Variants in SZT2 observed in about 807,000 individuals in gnomAD.
SZT2 encodes SZT2 subunit of KICSTOR complex.
SZT2 carries 216 observed loss-of-function variants against 404.2 expected under a neutral mutation model. That is an observed-to-expected ratio of 0.53 (90% CI 0.48 to 0.60). The LOEUF is 0.60. SZT2 is among the 20% of genes least tolerant of loss of function. SZT2 has a pLI of 0.00. For synonymous variants in SZT2, 1,693 were observed against 1,749.9 expected (o/e 0.97, Z 0.81); for missense variants, 3,857 against 4,459.2 (o/e 0.86, Z 3.85).
intron 4 of SZT2, 81 bp from the exon 5 acceptor site, chr1:43,415,001 A>G (rs1397455648): frequency 2.0e-6 from 3 of 1,517,834 alleles, no homozygotes; most frequent in Admixed American, 3.8e-5. Context: ...AGATGGAGCT[A>G]TGGAGAATAA....
In SZT2 at chr1:43,437,502, A is replaced by T. The variant is rs947784174; in HGVS notation, c.6284A>T (p.Tyr2095Phe). The change falls in exon 44 of 72, where the codon TAT (tyrosine) becomes TTT (phenylalanine). Residue 2095 changes from tyrosine (Y) to phenylalanine (F), a missense_variant. Transcript: ENST00000634258. This position sits in a 1 kb window ranked among gnomAD's most constrained non-coding sequence, Gnocchi z 5.3. The stretch of plus-strand genomic sequence containing the variant: ...GAGCGAGCAACAAAGGCTGTGTACT[A>T]TCTTCGGTATGTGGCCCTTGGAAGG... ...YQERATKAVY[Y>F]LRLLETSCSD... 2 of 1,614,010 alleles carry T rather than the reference A, an allele frequency of 1.2e-6. No individual in the cohort carries two copies. Among genetic ancestry groups the T allele is most frequent in the Non-Finnish European group, 1.7e-6 (2 of 1,180,032 alleles).
chr1:43,418,188 A>G (rs1427223787), intron 7 of SZT2, among the ~76,000 whole-genome samples: 1 of 152,194 alleles, frequency 6.6e-6, no homozygotes, highest in Non-Finnish European at 1.5e-5. Context: ...CTGTTGAGAT[A>G]AACAGCAGAG....
chr1:43,425,528 A>G lies in SZT2; in HGVS notation c.2700A>G (p.Ser900=). The change falls in exon 19 of 72, where the codon TCA becomes TCG. Residue 900 remains serine (S), a synonymous_variant. Coordinates refer to ENST00000634258, the MANE Select transcript of SZT2 (RefSeq NM_001365999.1). The surrounding 1 kb of genome is among the most constrained non-coding windows in gnomAD (Gnocchi z 4.3). ...DVEVEALEGD[S]ELNLVTEVWV... ...AAGTGGAGGCCCTGGAGGGAGACTCAGAGCTCAATCTGGTCACTGAGGTGT... is the reference window on the plus strand; with the variant it reads ...AAGTGGAGGCCCTGGAGGGAGACTCGGAGCTCAATCTGGTCACTGAGGTGT... 1 of 1,614,198 alleles carries G rather than the reference A, an allele frequency of 6.2e-7. No homozygotes were observed. The highest frequency in any genetic ancestry group is 8.5e-7 in the Non-Finnish European group (1 of 1,180,028).
Position 43,430,391 on chromosome 1 carries a change from T to C in SZT2, c.4480+2T>C, listed in dbSNP as rs1228874807. 6.2e-7 allele frequency: 1 copy of C among 1,607,676 alleles called. No homozygotes were observed. Among genetic ancestry groups the C allele is most frequent in the African/African-American group, 1.3e-5 (1 of 74,600 alleles). On this transcript the variant is annotated splice_donor_variant, in intron 31 of 71. Transcript: ENST00000634258. LOFTEE classifies it high-confidence loss of function. ...AGGCTGAGCTTATGGGAGAAGAAGG[T>C]ATGTGGGCAAGTGAGTCAAGGTGGG...
chr1:43,439,032 A>G lies in SZT2; in HGVS notation c.6731A>G (p.Asn2244Ser). 1.2e-6 allele frequency: 2 copies of G among 1,614,198 alleles called. No individual in the cohort carries two copies. The highest frequency in any genetic ancestry group is 1.7e-6 in the Non-Finnish European group (2 of 1,180,030). ...GCCCTGGCATGGTACCTACGGCAGAACTTGCTCATCTTCCTGCACTCTCCC... is the reference window on the plus strand; with the variant it reads ...GCCCTGGCATGGTACCTACGGCAGAGCTTGCTCATCTTCCTGCACTCTCCC... ...LPALAWYLRQ[N>S]LLIFLHSPKY... The change falls in exon 48 of 72, where the codon AAC (asparagine) becomes AGC (serine). Residue 2244 changes from asparagine to serine, a missense_variant. Asn to Ser is a conservative substitution (Grantham distance 46, BLOSUM62 1). Transcript: ENST00000634258. The surrounding 1 kb of genome is among the most constrained non-coding windows in gnomAD (Gnocchi z 4.2).
Position 43,453,102 on chromosome 1 carries a change from C to G in SZT2, c.*2622C>G. On this transcript the variant is annotated 3_prime_UTR_variant, in exon 72 of 72. Transcript: ENST00000634258. Reference sequence around the variant, plus strand: ...GCTCCCACAGCTTCCTGGAATAGGCCTGTCCTCAAATGCATCACTGTATAT... The same window carrying G: ...GCTCCCACAGCTTCCTGGAATAGGCGTGTCCTCAAATGCATCACTGTATAT... 2 of 775,606 alleles carry G rather than the reference C, an allele frequency of 2.6e-6. No homozygotes were observed. Among genetic ancestry groups the G allele is most frequent in the Non-Finnish European group, 4.5e-6 (2 of 442,286 alleles). The allele number at this position is 775,606 out of a possible 1,614,324, so 48.0% of individuals were successfully genotyped here. A position where few individuals can be genotyped will look rare whatever the true frequency, so the allele number is the denominator to read the frequency against.
Position 43,424,061 on chromosome 1 carries a change from G to A in SZT2, c.2256-156G>A, listed in dbSNP as rs1399971386. ...GGCGTGGCTTAGCCGGGTATGAGTG[G>A]TACAGAGGTGTGGAAGGGCGTGGCT... On this transcript the variant is annotated intron_variant, in intron 15 of 71. Transcript: ENST00000634258. The surrounding 1 kb of genome is among the most constrained non-coding windows in gnomAD (Gnocchi z 4.1). Among the ~76,000 whole-genome samples the A allele has an allele frequency of 1.3e-5, 2 of 150,690 alleles. No homozygotes were observed. The highest frequency in any genetic ancestry group is 2.4e-5 in the African/African-American group (1 of 40,824).
chr1:43,408,858 C>T (rs1338107506), intron 4 of SZT2, among the ~76,000 whole-genome samples: 1 of 152,044 alleles, frequency 6.6e-6, no homozygotes, highest in African/African-American at 2.4e-5. Flanking sequence ...CTGGCTCGCC[C>T]GACCCACTTA....
chr1:43,402,998 A>G (rs1334548009), intron 1 of SZT2, among the ~76,000 whole-genome samples, 179 bp from the exon 2 acceptor site: 1 of 152,154 alleles, frequency 6.6e-6, no homozygotes, highest in Non-Finnish European at 1.5e-5. Flanking sequence ...AGGAACAGAG[A>G]GTTGAGAATT....
At chr1:43,447,217 G>T in intron 66 of SZT2, 49 bp downstream of exon 66, 1 of 1,553,876 alleles carries the variant, frequency 6.4e-7, no homozygotes, top group Non-Finnish European at 8.7e-7. Context: ...ACAGGCCACA[G>T]GTGCCTCCAG....
rs748710410 is a variant in SZT2, at chr1:43,422,235, C to T, written c.1769+10C>T. 1.9e-6 allele frequency: 3 copies of T among 1,571,452 alleles called. No individual in the cohort carries two copies. In the South Asian group the frequency reaches 3.4e-5, roughly 18 times the overall value. ...TCCTGGAGCATGACACGTGGGTGCC[C>T]TTAGGGCTGGGCCATAGTTGGGGTG... On this transcript the variant is annotated intron_variant, in intron 12 of 71. Transcript: ENST00000634258.
intron 7 of SZT2, 131 bp downstream of exon 7, chr1:43,416,772 C>A: frequency 1.4e-6 from 1 of 703,864 alleles, no homozygotes; most frequent in Non-Finnish European, 2.4e-6. Context: ...GGGAAGGAGT[C>A]ATATCTAGAA....
chr1:43,403,065 T>A, intron 1 of SZT2, 112 bp from the exon 2 acceptor site: 1 of 1,175,216 alleles, frequency 8.5e-7, no homozygotes, highest in Non-Finnish European at 1.2e-6. Context: ...TTCTGCTGTT[T>A]TCCCTCTCAT....
chr1:43,404,037 C>G (rs971587235), intron 3 of SZT2: 2 of 529,718 alleles, frequency 3.8e-6, no homozygotes, highest in Non-Finnish European at 6.7e-6. Flanking sequence ...TGGCAAAACT[C>G]CCTCTCTATA....
At chr1:43,428,163 G>T (rs1210631672) in intron 27 of SZT2, 45 bp downstream of exon 27, 1 of 1,611,412 alleles carries the variant, frequency 6.2e-7, no homozygotes, top group African/African-American at 1.3e-5. Context: ...CCCTGCGGGA[G>T]ATACAGGGAT....
intron 11 of SZT2, among the ~76,000 whole-genome samples, 160 bp downstream of exon 11, chr1:43,421,463 G>A (rs1359667007): frequency 6.6e-6 from 1 of 152,168 alleles, no homozygotes; most frequent in Admixed American, 6.5e-5. Context: ...TTCTCCCTAA[G>A]GCCCCGGGGA....
intron 4 of SZT2, among the ~76,000 whole-genome samples, chr1:43,413,046 G>A (rs1311414528): frequency 6.6e-6 from 1 of 152,178 alleles, no homozygotes; most frequent in Non-Finnish European, 1.5e-5. Context: ...GTAACGTTGT[G>A]CACTCTTGGT....
Position 43,435,135 on chromosome 1 carries a change from C to G in SZT2, c.5905-65C>G, listed in dbSNP as rs1031785634. 12 of 1,585,082 alleles carry G rather than the reference C, an allele frequency of 7.6e-6. No individual in the cohort carries two copies. In the African/African-American group the frequency reaches 1.3e-4, roughly 18 times the overall value. ...CATTCTCTCTGGCATTTGATCACCC[C>G]TGACCACCACCACCCACTTAGGAGG... On this transcript the variant is annotated intron_variant, in intron 41 of 71. Transcript: ENST00000634258.
At chr1:43,449,042 C>T (rs1033314096) in intron 70 of SZT2, 27 of 320,888 alleles carry the variant, frequency 8.4e-5, no homozygotes, top group African/African-American at 5.3e-4. Context: ...AGAAAGGACC[C>T]CTTGGACTTT....
Sources: allele counts gnomAD v4.1 joint callset (sites outside exome capture counted in the v4.1 genomes callset), GRCh38; gene constraint gnomAD v4.1.1; non-coding constraint Gnocchi (gnomAD v3.1); transcripts MANE v1.5; gene names NCBI Gene and HGNC (gene_info 2026-07-23, HGNC 2026-07-21).